PCSK5: variants seen among roughly 807,000 people sequenced by gnomAD.
The protein encoded by PCSK5 is proprotein convertase subtilisin/kexin type 5, also known as prohormone convertase 5.
PCSK5 carries 129 observed loss-of-function variants against 233.2 expected under a neutral mutation model. The ratio of observed to expected loss-of-function variants is 0.55; its 90% CI spans 0.48 to 0.64. The LOEUF is 0.64. Ranked by LOEUF, PCSK5 falls within the 30% of genes least tolerant of loss-of-function variation. PCSK5 has a pLI of 0.00. For synonymous variants in PCSK5, 825 were observed against 879.2 expected, an observed-to-expected ratio of 0.94 and a Z score of 1.09; for missense variants, 2,076 against 2,430.1, an observed-to-expected ratio of 0.85 and a Z score of 3.06.
chr9:76,062,525 G>A lies in PCSK5; in HGVS notation c.633-5430G>A, dbSNP rs553391118. Among the ~76,000 whole-genome samples the A allele has an allele frequency of 2.8e-4, 43 of 152,258 alleles. No individual in the cohort carries two copies. The South Asian group carries it at 8.7e-3, about 31-fold the overall frequency. ...AAATTGTCAAAGATGAAAGAGATTGGAAAACTCATATGCAGGGGTGTGTGT... is the reference window on the plus strand; with the variant it reads ...AAATTGTCAAAGATGAAAGAGATTGAAAAACTCATATGCAGGGGTGTGTGT... On this transcript the variant is annotated intron_variant, in intron 5 of 37. Transcript: ENST00000674117.
At chr9:75,955,945 T>C (rs918980273) in intron 2 of PCSK5, among the ~76,000 whole-genome samples, 2 of 152,150 alleles carry the variant, frequency 1.3e-5, no homozygotes, top group African/African-American at 4.8e-5. Context: ...GCACTGTTAG[T>C]AGTCTCCCTA....
At chr9:76,024,764 C>T (rs1017157736) in intron 4 of PCSK5, among the ~76,000 whole-genome samples, 3 of 152,160 alleles carry the variant, frequency 2.0e-5, no homozygotes, top group Admixed American at 6.5e-5. Flanking sequence ...GGTGCCCTCT[C>T]GGTTCTTCTT....
chr9:75,896,909 A>AG (rs1454102227), intron 1 of PCSK5, among the ~76,000 whole-genome samples: 1 of 152,230 alleles, frequency 6.6e-6, no homozygotes, highest in African/African-American at 2.4e-5. Context: ...AAGGGTACCA[A>AG]GGAGGAACAA....
chr9:75,891,082 G>GGGCTGCGAGCTGCGGCGGCCCGT lies in PCSK5; in HGVS notation c.-94_-93insGAGCTGCGGCGGCCCGTGGCTGC. The GGGCTGCGAGCTGCGGCGGCCCGT allele has an allele frequency of 8.7e-7, 1 of 1,153,750 alleles. No individual in the cohort carries two copies. Among genetic ancestry groups the GGGCTGCGAGCTGCGGCGGCCCGT allele is most frequent in the Non-Finnish European group, 1.1e-6 (1 of 884,440 alleles). 71.5% of individuals were successfully genotyped at this position (1,153,750 alleles called of 1,614,324 possible). ...CGGGGCTGCGAGCTGCGGCGGCCCG[G>GGGCTGCGAGCTGCGGCGGCCCGT]GGCTGCTCGCCGGGCGGCGCAGGCC... On this transcript the variant is annotated 5_prime_UTR_variant, in exon 1 of 38. Coordinates refer to ENST00000674117, the MANE Select transcript of PCSK5 (RefSeq NM_001372043.1).
At chr9:76,118,021 G>T (rs1417444990) in intron 9 of PCSK5, among the ~76,000 whole-genome samples, 2 of 152,050 alleles carry the variant, frequency 1.3e-5, no homozygotes, top group African/African-American at 4.8e-5. Flanking sequence ...TTTATTCATT[G>T]CTCTGAATTT....
intron 33 of PCSK5, 39 bp downstream of exon 33, chr9:76,328,278 T>C: frequency 6.9e-7 from 1 of 1,450,518 alleles, no homozygotes. Flanking sequence ...TGTTTCCATC[T>C]CTCTGGGAAA....
intron 35 of PCSK5, among the ~76,000 whole-genome samples, chr9:76,349,010 G>A (rs897718807): frequency 6.6e-6 from 1 of 151,880 alleles, no homozygotes; most frequent in Non-Finnish European, 1.5e-5. Context: ...GGTGGCTCAC[G>A]CCTGTAATCC....
chr9:76,314,627 A>T (rs1828965856), intron 30 of PCSK5, among the ~76,000 whole-genome samples: 1 of 151,934 alleles, frequency 6.6e-6, no homozygotes, highest in Non-Finnish European at 1.5e-5. Context: ...GTACATGTTC[A>T]TGAAAAAAAA....
In PCSK5 at chr9:76,360,367, T is replaced by A. The variant is rs1171509873; in HGVS notation, c.*1445T>A. The A allele has an allele frequency of 6.6e-6, 1 of 152,088 alleles. No homozygotes were observed. The highest frequency in any genetic ancestry group is 2.4e-5 in the African/African-American group (1 of 41,402). The allele number at this position is 152,088 out of a possible 1,614,324, so 9.4% of individuals were successfully genotyped here. A position where few individuals can be genotyped will look rare whatever the true frequency, so the allele number is the denominator to read the frequency against. On this transcript the variant is annotated 3_prime_UTR_variant, in exon 38 of 38. Coordinates refer to ENST00000674117, the MANE Select transcript of PCSK5 (RefSeq NM_001372043.1). ...GGCTTACAAGAGGTTAGGTAACTAG[T>A]CCAAGGTCATGCAAAGCTCAACAAA...
chr9:76,302,862 TA>T (rs1055284883), intron 28 of PCSK5, among the ~76,000 whole-genome samples: 71 of 151,018 alleles, frequency 4.7e-4, no homozygotes, highest in Non-Finnish European at 3.7e-4. Context: ...ATGTATTAAA[TA>T]AAAAATAAAT....
At chr9:75,981,604 G>A (rs1826280247) in intron 2 of PCSK5, among the ~76,000 whole-genome samples, 1 of 152,138 alleles carries the variant, frequency 6.6e-6, no homozygotes, top group Non-Finnish European at 1.5e-5. Flanking sequence ...CCAGGCAGGA[G>A]GACAGTGGCG....
chr9:75,908,987 C>A (rs1216429613), intron 1 of PCSK5, among the ~76,000 whole-genome samples: 1 of 141,786 alleles, frequency 7.1e-6, no homozygotes, highest in East Asian at 2.1e-4. Flanking sequence ...ATCTATCTAT[C>A]TATCCGATTT....
chr9:76,227,970 GT>G (rs1427804133), intron 21 of PCSK5, among the ~76,000 whole-genome samples: 8 of 150,704 alleles, frequency 5.3e-5, no homozygotes, highest in Admixed American at 2.0e-4. Context: ...AAAGTGAACT[GT>G]TCTTTTTTTT....
intron 10 of PCSK5, among the ~76,000 whole-genome samples, chr9:76,154,771 A>C (rs562193896): frequency 2.2e-4 from 34 of 152,144 alleles, no homozygotes; most frequent in Admixed American, 6.5e-4. Flanking sequence ...GTCCATGATG[A>C]CCTGGTATAT....
intron 9 of PCSK5, among the ~76,000 whole-genome samples, chr9:76,107,587 G>A (rs1388115898): frequency 6.6e-6 from 1 of 152,140 alleles, no homozygotes; most frequent in Admixed American, 6.5e-5. Flanking sequence ...ACTTTATTAT[G>A]GAGTCATAGC....
chr9:76,287,916 A>C (rs1023388790), intron 24 of PCSK5: 5 of 181,228 alleles, frequency 2.8e-5, no homozygotes, highest in Non-Finnish European at 6.0e-5. Context: ...GGGCACCAGC[A>C]AAACATTGTG....
chr9:76,042,859 G>A (rs17719947), intron 5 of PCSK5, among the ~76,000 whole-genome samples: 3,443 of 152,162 alleles, frequency 0.023, 62 homozygotes, highest in Non-Finnish European at 0.036. Context: ...AACGTGCATC[G>A]CAACAGCCTG....
Position 76,296,874 on chromosome 9 carries a change from C to T in PCSK5, c.3523+9C>T, listed in dbSNP as rs1828456576. The T allele has an allele frequency of 1.9e-6, 3 of 1,585,486 alleles. No individual in the cohort carries two copies. Among genetic ancestry groups the T allele is most frequent in the East Asian group, 2.3e-5 (1 of 44,400 alleles). On this transcript the variant is annotated intron_variant, in intron 27 of 37. Coordinates refer to ENST00000674117, the MANE Select transcript of PCSK5 (RefSeq NM_001372043.1). ...GGGCAAATTCTGGAATGGTATGTGC[C>T]CCCCAAAAAAGAGGTCACAGGGGTC...
intron 4 of PCSK5, among the ~76,000 whole-genome samples, chr9:76,024,615 G>T (rs777996758): frequency 2.6e-5 from 4 of 152,178 alleles, no homozygotes; most frequent in Non-Finnish European, 5.9e-5. Flanking sequence ...ACAGCATGCT[G>T]CTGTTCCCCA....
Sources: allele counts gnomAD v4.1 joint callset (sites outside exome capture counted in the v4.1 genomes callset), GRCh38; gene constraint gnomAD v4.1.1; transcripts MANE v1.5; gene names NCBI Gene and HGNC (gene_info 2026-07-23, HGNC 2026-07-21).